Variants in HMGCLL1 observed in about 807,000 individuals in gnomAD.
HMGCLL1 encodes the protein 3-hydroxymethyl-3-methylglutaryl-CoA lyase, cytoplasmic.
Under a neutral mutation model 39.1 loss-of-function variants are expected in HMGCLL1, and 36 were observed. The ratio of observed to expected loss-of-function variants is 0.92; its 90% CI spans 0.71 to 1.22. The LOEUF (loss-of-function observed/expected upper bound fraction) is 1.22. Among genes scored for constraint, HMGCLL1 ranks in the 50% most tolerant of loss-of-function variants. The pLI, the probability that HMGCLL1 is intolerant of heterozygous loss-of-function variation, is 0.00. For missense variants in HMGCLL1, 451 were observed against 416.5 expected (o/e 1.08, Z -0.72); for synonymous variants, 149 against 144.0 (o/e 1.03, Z -0.25).
At chr6:55,647,008 A>G in the HMGCLL1 span, among the ~76,000 whole-genome samples, 5 of 151,926 alleles carry the variant, frequency 3.3e-5, no homozygotes, top group Admixed American at 3.3e-4. Context: ...CTATTCTTGT[A>G]GTGGGGTCTA....
intron 5 of HMGCLL1, among the ~76,000 whole-genome samples, chr6:55,501,526 A>G (rs1196525107): frequency 6.6e-6 from 1 of 151,856 alleles, no homozygotes; most frequent in Non-Finnish European, 1.5e-5. Context: ...CTCTACCGTC[A>G]TGAATATGAA....
chr6:55,654,553 G>T, the HMGCLL1 span, among the ~76,000 whole-genome samples: 1 of 151,846 alleles, frequency 6.6e-6, no homozygotes, highest in Non-Finnish European at 1.5e-5. Flanking sequence ...GCAATTAAAA[G>T]TTCTGCCATC....
intron 7 of HMGCLL1, among the ~76,000 whole-genome samples, chr6:55,490,360 A>G (rs999811820): frequency 1.3e-5 from 2 of 152,148 alleles, no homozygotes; most frequent in African/African-American, 2.4e-5. Flanking sequence ...ACAACAACAA[A>G]CAAAAAACTG....
chr6:55,672,051 A>T, the HMGCLL1 span, among the ~76,000 whole-genome samples: 2 of 151,786 alleles, frequency 1.3e-5, no homozygotes, highest in African/African-American at 4.8e-5. Flanking sequence ...GGGAAGAGGA[A>T]CAGGGAACCA....
intron 7 of HMGCLL1, among the ~76,000 whole-genome samples, chr6:55,470,912 G>C (rs1384033268): frequency 6.6e-6 from 1 of 151,642 alleles, no homozygotes; most frequent in Admixed American, 6.6e-5. Flanking sequence ...AACTGTATCA[G>C]GACAATTGCC....
chr6:55,534,399 C>T (rs1269394640), intron 3 of HMGCLL1, among the ~76,000 whole-genome samples: 2 of 152,124 alleles, frequency 1.3e-5, no homozygotes, highest in African/African-American at 2.4e-5. Context: ...ACTGACTCAA[C>T]TAATAGCTTA....
At chr6:55,437,490 C>T (rs58078045) in intron 8 of HMGCLL1, among the ~76,000 whole-genome samples, 8,178 of 151,760 alleles carry the variant, frequency 0.054, 325 homozygotes, top group East Asian at 0.18. Flanking sequence ...GAGGTTTATA[C>T]AAAATGTATA....
At chr6:55,615,683 C>T in the HMGCLL1 span, among the ~76,000 whole-genome samples, 2 of 152,162 alleles carry the variant, frequency 1.3e-5, no homozygotes, top group Non-Finnish European at 2.9e-5. Context: ...ATCTGGTAGG[C>T]CCTGCCTTAA....
intron 7 of HMGCLL1, among the ~76,000 whole-genome samples, chr6:55,476,965 C>A (rs1333026595): frequency 9.0e-6 from 1 of 110,820 alleles, no homozygotes; most frequent in Non-Finnish European, 2.0e-5. Flanking sequence ...ATTATGAATT[C>A]GCTGTCCTTA....
chr6:55,648,089 G>T, the HMGCLL1 span, among the ~76,000 whole-genome samples: 47 of 135,226 alleles, frequency 3.5e-4, 1 homozygote, highest in Non-Finnish European at 5.6e-4. Flanking sequence ...TCCCTACAAA[G>T]GATATGAACT....
At chr6:55,632,376 TTGAA>T in the HMGCLL1 span, among the ~76,000 whole-genome samples, 1 of 151,052 alleles carries the variant, frequency 6.6e-6, no homozygotes, top group Non-Finnish European at 1.5e-5. Flanking sequence ...TGGCATCTAA[TTGAA>T]TGAACATATT....
intron 1 of HMGCLL1, among the ~76,000 whole-genome samples, chr6:55,549,978 G>C: frequency 6.6e-6 from 1 of 151,970 alleles, no homozygotes; most frequent in African/African-American, 2.4e-5. Flanking sequence ...ACAGCTTTAT[G>C]TAATGTTTCT....
the HMGCLL1 span, among the ~76,000 whole-genome samples, chr6:55,603,192 A>C: frequency 2.6e-4 from 40 of 152,284 alleles, no homozygotes; most frequent in African/African-American, 8.9e-4. Flanking sequence ...TAAAACTATC[A>C]GTACCAATCT....
upstream of HMGCLL1, among the ~76,000 whole-genome samples, chr6:55,579,621 C>A (rs1771935033): frequency 6.6e-6 from 1 of 152,096 alleles, no homozygotes; most frequent in Non-Finnish European, 1.5e-5. Flanking sequence ...TAAAACATAT[C>A]CAACAGTCTA....
intron 3 of HMGCLL1, among the ~76,000 whole-genome samples, chr6:55,538,832 A>T (rs1769175371): frequency 6.6e-6 from 1 of 150,738 alleles, no homozygotes; most frequent in South Asian, 2.1e-4. Context: ...AAATATATAC[A>T]CATACACACA....
chr6:55,514,172 A>T lies in HMGCLL1; in HGVS notation c.418T>A (p.Ser140Thr). The T allele has an allele frequency of 6.2e-7, 1 of 1,610,512 alleles. No homozygotes were observed. The highest frequency in any genetic ancestry group is 2.2e-5 in the East Asian group (1 of 44,688). The change falls in exon 5 of 9, where the codon TCA becomes ACA. Residue 140 changes from serine (S) to threonine (T), a missense_variant. Ser to Thr is a moderately conservative substitution (Grantham distance 58). Coordinates refer to ENST00000274901, the MANE Select transcript of HMGCLL1 (RefSeq NM_001042406.2). ...GATTCAGATGCAGCTCCAAAAACTG[A>T]TATCTCAGTAGCTCCAGCAGCAACC... Reference protein sequence around the residue: ...HAVAAGATEISVFGAASESFS... With the variant: ...HAVAAGATEITVFGAASESFS...
the HMGCLL1 span, among the ~76,000 whole-genome samples, chr6:55,611,727 C>CA: frequency 7.2e-5 from 11 of 151,918 alleles, no homozygotes; most frequent in African/African-American, 2.7e-4. Flanking sequence ...TCAATAGATG[C>CA]AAAAAAGGCC....
chr6:55,497,915 A>C (rs1421084211), intron 6 of HMGCLL1, among the ~76,000 whole-genome samples: 14 of 152,182 alleles, frequency 9.2e-5, no homozygotes, highest in African/African-American at 3.4e-4. Context: ...GGAGGGAGAC[A>C]ATGAGGGGAA....
intron 3 of HMGCLL1, among the ~76,000 whole-genome samples, chr6:55,524,571 G>A (rs1768214148): frequency 2.6e-5 from 4 of 151,048 alleles, no homozygotes; most frequent in African/African-American, 9.7e-5. Flanking sequence ...CTCACCCAGA[G>A]ACAGACAGGT....
Sources: gnomAD v4.1 joint callset for allele counts (sites outside exome capture counted in the v4.1 genomes callset) on GRCh38, gnomAD v4.1.1 for gene constraint, MANE v1.5 for transcripts, NCBI Gene and HGNC (gene_info 2026-07-23, HGNC 2026-07-21) for gene names.